PCDH11Y: variants seen among roughly 807,000 people sequenced by gnomAD.
PCDH11Y encodes protocadherin 11 Y-linked.
For synonymous variants in PCDH11Y, 9 were observed against 83.6 expected (o/e 0.11, Z 4.87); for missense variants, 12 against 224.8 (o/e 0.05, Z 6.05).
At chrY:5,336,462 G>A (rs2053137511) in intron 2 of PCDH11Y, among the ~76,000 whole-genome samples, 1 of 29,422 alleles carries the variant, frequency 3.4e-5, no homozygotes, top group Non-Finnish European at 8.0e-5. Flanking sequence ...TAGTAGAGAC[G>A]GGGTTTCACC....
At chrY:5,383,893 A>C (rs2053208157) in intron 2 of PCDH11Y, among the ~76,000 whole-genome samples, 1 of 33,481 alleles carries the variant, frequency 3.0e-5, no homozygotes, top group African/African-American at 1.2e-4. Flanking sequence ...CTGGGATTAC[A>C]GGCGTGAGCC....
chrY:5,455,445 A>C (rs2053297299), intron 2 of PCDH11Y, among the ~76,000 whole-genome samples: 1 of 33,346 alleles, frequency 3.0e-5, no homozygotes, highest in Non-Finnish European at 7.4e-5. Flanking sequence ...CCTGCTATTC[A>C]GTTCCAATGT....
intron 2 of PCDH11Y, among the ~76,000 whole-genome samples, chrY:5,264,128 G>T (rs2053022937): frequency 3.1e-5 from 1 of 32,496 alleles, no homozygotes; most frequent in Non-Finnish European, 7.5e-5. Context: ...GGGCTGCTCA[G>T]TCAGCTTGTG....
intron 2 of PCDH11Y, among the ~76,000 whole-genome samples, chrY:5,132,165 A>T: frequency 3.1e-5 from 1 of 31,868 alleles, no homozygotes; most frequent in Non-Finnish European, 7.7e-5. Context: ...TTTTAAGCCA[A>T]TTTCATTAAG....
intron 2 of PCDH11Y, among the ~76,000 whole-genome samples, chrY:5,150,009 A>G: frequency 6.1e-5 from 2 of 33,015 alleles, no homozygotes; most frequent in Non-Finnish European, 1.5e-4. Context: ...CCTGCCTTCT[A>G]TGACTTTATT....
intron 2 of PCDH11Y, among the ~76,000 whole-genome samples, chrY:5,448,887 A>G (rs2053290195): frequency 3.0e-5 from 1 of 33,625 alleles, no homozygotes; most frequent in African/African-American, 1.2e-4. Flanking sequence ...AACTTATAGT[A>G]TCGACAAACA....
chrY:5,405,412 C>G, intron 2 of PCDH11Y, among the ~76,000 whole-genome samples: 1 of 29,189 alleles, frequency 3.4e-5, no homozygotes, highest in Non-Finnish European at 8.0e-5. Context: ...TTCTGGAACT[C>G]CTGGGCTCAA....
At chrY:5,236,515 C>A in intron 2 of PCDH11Y, among the ~76,000 whole-genome samples, 2 of 32,340 alleles carry the variant, frequency 6.2e-5, no homozygotes, top group Admixed American at 2.9e-4. Flanking sequence ...TTAATTTATT[C>A]TAATGAATCT....
chrY:5,007,030 C>T (rs2052541455), intron 1 of PCDH11Y, among the ~76,000 whole-genome samples: 1 of 33,548 alleles, frequency 3.0e-5, no homozygotes. Flanking sequence ...TATCAAACAG[C>T]ACCAAAACGT....
chrY:5,565,341 A>C, intron 3 of PCDH11Y, among the ~76,000 whole-genome samples: 1 of 32,402 alleles, frequency 3.1e-5, no homozygotes, highest in Non-Finnish European at 7.6e-5. Flanking sequence ...TTTGTTTAAC[A>C]ATCAAAATGT....
intron 2 of PCDH11Y, among the ~76,000 whole-genome samples, chrY:5,412,315 G>A: frequency 3.1e-5 from 1 of 32,545 alleles, no homozygotes; most frequent in African/African-American, 1.2e-4. Flanking sequence ...TTGTTTATCA[G>A]ATCAAGGAGC....
At chrY:5,228,064 C>CT (rs2052963008) in intron 2 of PCDH11Y, among the ~76,000 whole-genome samples, 2 of 26,073 alleles carry the variant, frequency 7.7e-5, no homozygotes, top group African/African-American at 1.5e-4. Flanking sequence ...TTTTTTTTTT[C>CT]TTTTTTTTTG....
chrY:5,332,023 G>C (rs2053131913), intron 2 of PCDH11Y, among the ~76,000 whole-genome samples: 1 of 33,599 alleles, frequency 3.0e-5, no homozygotes, highest in South Asian at 6.7e-4. Flanking sequence ...TTGGGAGGCC[G>C]AGGCGGGCGG....
At chrY:5,738,964 T>C (rs2053614077) in exon 5 of PCDH11Y, 1 of 32,087 alleles carries the variant, frequency 3.1e-5, no homozygotes, top group Non-Finnish European at 7.6e-5. Flanking sequence ...GGGTGTTCAG[T>C]AAAAATAACA....
At chrY:5,504,377 G>T (rs2053357033) in intron 3 of PCDH11Y, among the ~76,000 whole-genome samples, 1 of 27,720 alleles carries the variant, frequency 3.6e-5, no homozygotes, top group Non-Finnish European at 8.6e-5. Flanking sequence ...TTTTATAATT[G>T]CAATCTCTTT....
intron 2 of PCDH11Y, among the ~76,000 whole-genome samples, chrY:5,322,038 C>G (rs2053113451): frequency 2.5e-4 from 8 of 31,767 alleles, no homozygotes; most frequent in Admixed American, 1.8e-3. Flanking sequence ...CACCATTCCC[C>G]CACACAAATA....
intron 2 of PCDH11Y, among the ~76,000 whole-genome samples, chrY:5,392,464 C>G: frequency 3.1e-5 from 1 of 32,640 alleles, no homozygotes; most frequent in Non-Finnish European, 7.5e-5. Flanking sequence ...GGCTATCAAA[C>G]CATAGAATTA....
chrY:5,114,411 C>T, intron 2 of PCDH11Y: 1 of 60,241 alleles, frequency 1.7e-5, no homozygotes, highest in Admixed American at 1.8e-4. Context: ...GACACCGCTG[C>T]AAGGACAAAA....
intron 2 of PCDH11Y, among the ~76,000 whole-genome samples, chrY:5,209,313 C>A (rs2052935996): frequency 3.0e-5 from 1 of 33,205 alleles, no homozygotes; most frequent in Non-Finnish European, 7.4e-5. Flanking sequence ...TCCCGCCCCC[C>A]ATCCAGAGAC....
Sources: gnomAD v4.1 joint callset for allele counts (sites outside exome capture counted in the v4.1 genomes callset) on GRCh38, gnomAD v4.1.1 for gene constraint, MANE v1.5 for transcripts, NCBI Gene and HGNC (gene_info 2026-07-23, HGNC 2026-07-21) for gene names.